The following DAB1 variants were observed in gnomAD, a reference collection of about 807,000 sequenced individuals.
The protein encoded by DAB1 is DAB adaptor protein 1.
Under a neutral mutation model 64.6 loss-of-function variants are expected in DAB1, and 15 were observed. The ratio of observed to expected loss-of-function variants is 0.23; its 90% confidence interval spans 0.16 to 0.36. DAB1 has a LOEUF of 0.36. Among genes scored for constraint, DAB1 ranks in the 10% least tolerant of loss-of-function variants. The pLI is 1.00. For synonymous variants in DAB1, 235 were observed against 251.9 expected (o/e 0.93, Z 0.64); for missense variants, 596 against 706.7 (o/e 0.84, Z 1.78).
chr1:57,239,301 T>A (rs1046261501), intron 2 of DAB1, among the ~76,000 whole-genome samples: 11 of 152,230 alleles, frequency 7.2e-5, no homozygotes, highest in African/African-American at 2.7e-4. Context: ...ACTGTATTAT[T>A]GTCTTCCCAG....
intron 5 of DAB1, among the ~76,000 whole-genome samples, chr1:58,085,260 G>A (rs1467616548): frequency 6.6e-6 from 1 of 152,200 alleles, no homozygotes; most frequent in Admixed American, 6.5e-5. Context: ...TCTTTATAAA[G>A]CAAGGCAAAT....
At chr1:57,571,887 A>G (rs781581852) in intron 7 of DAB1, among the ~76,000 whole-genome samples, 24 of 152,174 alleles carry the variant, frequency 1.6e-4, no homozygotes, top group Non-Finnish European at 2.1e-4. Flanking sequence ...TCAGCGGGAG[A>G]GAGCAGCCAG....
chr1:58,448,512 C>CA (rs1235618933), intron 3 of DAB1, among the ~76,000 whole-genome samples: 1 of 152,164 alleles, frequency 6.6e-6, no homozygotes, highest in African/African-American at 2.4e-5. Context: ...CTGAAGCATG[C>CA]AGTGAAGACT....
At chr1:57,288,720 GAAGAGAAA>G (rs1672533377) in intron 2 of DAB1, among the ~76,000 whole-genome samples, 1 of 151,814 alleles carries the variant, frequency 6.6e-6, no homozygotes, top group Non-Finnish European at 1.5e-5. Context: ...AATGATGAAG[GAAGAGAAA>G]AAGAGAAAAG....
intron 1 of DAB1, among the ~76,000 whole-genome samples, chr1:57,365,502 G>A (rs562477697): frequency 1.3e-5 from 2 of 150,958 alleles, no homozygotes; most frequent in South Asian, 4.2e-4. Context: ...AGTCTAAAGG[G>A]CCCTAATATT....
At chr1:57,787,964 A>G (rs1325817508) in intron 6 of DAB1, among the ~76,000 whole-genome samples, 1 of 147,828 alleles carries the variant, frequency 6.8e-6, no homozygotes, top group Admixed American at 6.9e-5. Context: ...ATTAAATACC[A>G]CTGCATACCT....
intron 4 of DAB1, among the ~76,000 whole-genome samples, chr1:58,287,256 T>A (rs1043297789): frequency 1.3e-5 from 2 of 152,088 alleles, no homozygotes; most frequent in Non-Finnish European, 2.9e-5. Context: ...CAAATAACCA[T>A]GGTACACATT....
At chr1:58,195,139 A>C (rs928159100) in intron 4 of DAB1, among the ~76,000 whole-genome samples, 4 of 82,190 alleles carry the variant, frequency 4.9e-5, no homozygotes, top group Non-Finnish European at 9.4e-5. Flanking sequence ...AGAGAGAGAG[A>C]GAGACAGAGA....
intron 5 of DAB1, among the ~76,000 whole-genome samples, chr1:58,106,294 C>T (rs1183852771): frequency 6.6e-6 from 1 of 152,006 alleles, no homozygotes; most frequent in African/African-American, 2.4e-5. Flanking sequence ...CCTCCTGCCT[C>T]AGCCTCTGAA....
At chr1:58,545,873 T>C (rs977187915) in intron 1 of DAB1, among the ~76,000 whole-genome samples, 11 of 152,194 alleles carry the variant, frequency 7.2e-5, no homozygotes, top group African/African-American at 2.2e-4. Context: ...TAAAAAAGAA[T>C]TGGACGGCAG....
At chr1:57,693,537 G>T (rs1212497090) in intron 6 of DAB1, among the ~76,000 whole-genome samples, 3 of 152,186 alleles carry the variant, frequency 2.0e-5, no homozygotes, top group Non-Finnish European at 4.4e-5. Flanking sequence ...CAGGATGTGG[G>T]TGGGGCCAAA....
chr1:58,481,077 G>T (rs1489447609), intron 3 of DAB1: 1 of 871,812 alleles, frequency 1.1e-6, no homozygotes, highest in South Asian at 1.3e-5. Context: ...TTCTTTCTCT[G>T]ATTCTTCAAG....
intron 7 of DAB1, among the ~76,000 whole-genome samples, chr1:57,644,580 TATACACACATACCCACATATGTAC>T (rs1379654353): frequency 3.1e-4 from 47 of 152,156 alleles, no homozygotes; most frequent in African/African-American, 1.1e-3. Context: ...CACATACATA[TATACACACATACCCACATATGTAC>T]ATACACACAT....
chr1:58,136,830 C>T (rs1378885646), intron 5 of DAB1, among the ~76,000 whole-genome samples: 1 of 152,116 alleles, frequency 6.6e-6, no homozygotes, highest in Non-Finnish European at 1.5e-5. Flanking sequence ...GTAAAGGGGC[C>T]TGAAAAGTAA....
chr1:58,489,286 G>C (rs1645632941), intron 3 of DAB1, among the ~76,000 whole-genome samples: 1 of 152,204 alleles, frequency 6.6e-6, no homozygotes, highest in Admixed American at 6.5e-5. Flanking sequence ...CGGCACACCA[G>C]GAGATTATAT....
At chr1:58,107,088 A>AC (rs979647916) in intron 5 of DAB1, among the ~76,000 whole-genome samples, 1 of 151,952 alleles carries the variant, frequency 6.6e-6, no homozygotes, top group African/African-American at 2.4e-5. Flanking sequence ...GCTAGTAAAA[A>AC]AAAACCCAGA....
intron 6 of DAB1, among the ~76,000 whole-genome samples, chr1:57,687,605 A>AC (rs1183111638): frequency 6.8e-6 from 1 of 147,776 alleles, no homozygotes; most frequent in Non-Finnish European, 1.5e-5. Flanking sequence ...GAAACAAAAA[A>AC]AAAAAAAAAA....
chr1:58,168,096 G>T (rs1245341496), intron 4 of DAB1, among the ~76,000 whole-genome samples: 1 of 152,136 alleles, frequency 6.6e-6, no homozygotes, highest in Non-Finnish European at 1.5e-5. Flanking sequence ...TAGAATTCAG[G>T]GGCTAAATAC....
chr1:58,456,909 C>T (rs958833941), intron 3 of DAB1, among the ~76,000 whole-genome samples: 7 of 152,050 alleles, frequency 4.6e-5, no homozygotes, highest in Admixed American at 1.3e-4. Flanking sequence ...TTGAGACCCC[C>T]GGAATTCATT....
Sources: allele counts gnomAD v4.1 joint callset (sites outside exome capture counted in the v4.1 genomes callset), GRCh38; gene constraint gnomAD v4.1.1; transcripts MANE v1.5; gene names NCBI Gene and HGNC (gene_info 2026-07-23, HGNC 2026-07-21).